Variants in DMD observed in about 807,000 individuals in gnomAD.
DMD encodes the protein mutant dystrophin.
In DMD, 63 loss-of-function variants were observed where a neutral mutation model predicts 330.1. The ratio of observed to expected loss-of-function variants is 0.19; its 90% confidence interval spans 0.16 to 0.24. The LOEUF is 0.24. Ranked by LOEUF, DMD falls within the 10% of genes least tolerant of loss-of-function variation. The pLI, the probability that DMD is intolerant of heterozygous loss-of-function variation, is 1.00. For missense variants in DMD, 3,344 were observed against 2,684.1 expected (o/e 1.25, Z -5.43); for synonymous variants, 1,223 against 959.8 (o/e 1.27, Z -5.07).
intron 1 of DMD, among the ~76,000 whole-genome samples, chrX:33,144,550 T>C (rs1346821488): frequency 9.0e-6 from 1 of 111,700 alleles, no homozygotes; most frequent in Non-Finnish European, 1.9e-5. Flanking sequence ...TTCATAAATA[T>C]GTACAACTCT....
chrX:31,451,959 C>G (rs1164586950), intron 59 of DMD, among the ~76,000 whole-genome samples: 1 of 110,403 alleles, frequency 9.1e-6, no homozygotes, highest in African/African-American at 3.3e-5. Context: ...CAGGGCAATT[C>G]TTGTAAACTT....
At chrX:31,391,365 C>T (rs1230095291) in intron 60 of DMD, among the ~76,000 whole-genome samples, 2 of 110,221 alleles carry the variant, frequency 1.8e-5, no homozygotes, top group Non-Finnish European at 3.8e-5. Flanking sequence ...CCTCGGGGTC[C>T]CAAAGTGCTG....
chrX:32,256,197 GTTC>G (rs2097297874), intron 43 of DMD, among the ~76,000 whole-genome samples: 2 of 111,231 alleles, frequency 1.8e-5, no homozygotes, highest in African/African-American at 3.3e-5. Context: ...AGAATAGTTA[GTTC>G]TTCTTGTTGC....
chrX:33,129,463 A>C (rs1481526198), intron 1 of DMD, among the ~76,000 whole-genome samples: 1 of 104,690 alleles, frequency 9.6e-6, no homozygotes, highest in Non-Finnish European at 1.9e-5. Context: ...GATATTTTTA[A>C]AAAGCCATGT....
At chrX:32,133,849 C>T (rs961201279) in intron 44 of DMD, among the ~76,000 whole-genome samples, 3 of 111,566 alleles carry the variant, frequency 2.7e-5, no homozygotes, top group Non-Finnish European at 5.6e-5. Flanking sequence ...CCACCCTCAC[C>T]TCACTAACAT....
intron 7 of DMD, among the ~76,000 whole-genome samples, chrX:32,709,952 G>C (rs778034038): frequency 4.0e-4 from 44 of 110,720 alleles, no homozygotes; most frequent in African/African-American, 1.4e-3. Context: ...GAACCTTTTG[G>C]GAATAAAGGT....
At chrX:31,809,056 T>G (rs1285138739) in intron 50 of DMD, among the ~76,000 whole-genome samples, 3 of 108,359 alleles carry the variant, frequency 2.8e-5, no homozygotes, top group Non-Finnish European at 5.7e-5. Flanking sequence ...CATTGGAGAT[T>G]GGCTAGTTTG....
At chrX:31,217,338 C>T (rs1427535236) in intron 64 of DMD, among the ~76,000 whole-genome samples, 2 of 111,506 alleles carry the variant, frequency 1.8e-5, no homozygotes, top group Non-Finnish European at 3.8e-5. Flanking sequence ...TATAGGCCAA[C>T]GGTGATGCTC....
At chrX:33,227,487 C>T (rs182614459) in intron 1 of DMD, among the ~76,000 whole-genome samples, 3 of 110,893 alleles carry the variant, frequency 2.7e-5, no homozygotes, top group African/African-American at 9.8e-5. Context: ...CCAACGATTG[C>T]GGTGCCTAAA....
chrX:32,472,831 A>T (rs748543829), intron 21 of DMD, among the ~76,000 whole-genome samples: 1 of 111,334 alleles, frequency 9.0e-6, no homozygotes, highest in Non-Finnish European at 1.9e-5. Context: ...TATATGTATC[A>T]AGAACTCTAG....
intron 1 of DMD, among the ~76,000 whole-genome samples, chrX:33,096,501 C>CTTT (rs752228692): frequency 1.2e-4 from 11 of 93,702 alleles, no homozygotes; most frequent in Non-Finnish European, 2.2e-4. Context: ...TTGGAGACGA[C>CTTT]TTTTTTTTTT....
chrX:31,951,157 A>C (rs964105672), intron 45 of DMD, among the ~76,000 whole-genome samples: 2 of 72,621 alleles, frequency 2.8e-5, no homozygotes, highest in Admixed American at 1.5e-4. Flanking sequence ...ATATATATAT[A>C]TGTATATATA....
At chrX:31,230,483 T>C (rs1343698962) in intron 63 of DMD, among the ~76,000 whole-genome samples, 6 of 109,909 alleles carry the variant, frequency 5.5e-5, no homozygotes, top group Admixed American at 4.8e-4. Context: ...CCCGTCTCTA[T>C]TAAAAACACA....
intron 47 of DMD, among the ~76,000 whole-genome samples, chrX:31,879,217 G>GA (rs1556965923): frequency 6.7e-5 from 7 of 103,781 alleles, no homozygotes; most frequent in African/African-American, 2.4e-4. Context: ...GGCGGGGGGG[G>GA]GCCTCACAAT....
chrX:31,266,403 T>G (rs1273882475), intron 62 of DMD, among the ~76,000 whole-genome samples: 1 of 112,006 alleles, frequency 8.9e-6, no homozygotes, highest in Non-Finnish European at 1.9e-5. Flanking sequence ...CGTGCGCCCC[T>G]TCCTTCTACG....
At position 32,454,646 on chromosome X, in the gene DMD, C is replaced by CTTT. The variant is rs5902031; in HGVS notation, c.3603+13_3603+15dup. 45 of 994,370 alleles carry CTTT rather than the reference C, an allele frequency of 4.5e-5. No individual in the cohort carries two copies. The highest frequency in any genetic ancestry group is 5.7e-5 in the Non-Finnish European group (42 of 740,272). The allele number at this position is 994,370 out of a possible 1,213,427, so 81.9% of individuals were successfully genotyped here. Reference sequence around the variant, plus strand: ...ATTTCCTTTGTTTTACTTAGTTTTTCTTTTTTTTTTTTTACCTTCATCTCT... The same window carrying CTTT: ...ATTTCCTTTGTTTTACTTAGTTTTTCTTTTTTTTTTTTTTTTACCTTCATCTCT... On this transcript the variant is annotated intron_variant, in intron 26 of 78. Coordinates refer to ENST00000357033, the MANE Select transcript of DMD (RefSeq NM_004006.3).
intron 1 of DMD, among the ~76,000 whole-genome samples, chrX:33,250,935 C>A (rs1307525068): frequency 9.1e-6 from 1 of 110,128 alleles, no homozygotes; most frequent in Non-Finnish European, 1.9e-5. Context: ...CATAGATAAC[C>A]CTAAGAATGA....
intron 1 of DMD, among the ~76,000 whole-genome samples, chrX:33,027,739 T>C (rs1204478902): frequency 8.9e-6 from 1 of 111,924 alleles, no homozygotes; most frequent in Non-Finnish European, 1.9e-5. Flanking sequence ...AATCATATAT[T>C]AAGGAAACTA....
intron 44 of DMD, among the ~76,000 whole-genome samples, chrX:32,165,075 C>T (rs945129219): frequency 1.8e-5 from 2 of 112,349 alleles, no homozygotes; most frequent in African/African-American, 6.5e-5. Flanking sequence ...CATGGAGAAC[C>T]TCGGCTAGGA....
Sources: allele counts gnomAD v4.1 joint callset (sites outside exome capture counted in the v4.1 genomes callset), GRCh38; gene constraint gnomAD v4.1.1; transcripts MANE v1.5; gene names NCBI Gene and HGNC (gene_info 2026-07-23, HGNC 2026-07-21).